NLRP2: variants seen among roughly 807,000 people sequenced by gnomAD.
NLRP2 encodes the protein NACHT, LRR and PYD domains-containing protein 2.
A neutral mutation model predicts 97.2 loss-of-function variants in NLRP2; 107 were observed. The ratio of observed to expected loss-of-function variants is 1.10; its 90% CI spans 0.94 to 1.29. NLRP2 has a LOEUF of 1.29. Ranked by LOEUF, NLRP2 falls within the 50% of genes most tolerant of loss-of-function variation. NLRP2 has a pLI of 0.00. For missense variants in NLRP2, 1,495 were observed against 1,330.3 expected (o/e 1.12, Z -1.93); for synonymous variants, 663 against 551.5 (o/e 1.20, Z -2.83).
In NLRP2 at chr19:54,983,699, T is replaced by G. The variant is rs1484391563; in HGVS notation, c.2001T>G (p.Thr667=). 6.2e-7 allele frequency: 1 copy of G among 1,612,942 alleles called. No homozygotes were observed. The highest frequency in any genetic ancestry group is 1.1e-5 in the South Asian group (1 of 91,036). Reference sequence around the variant, plus strand: ...AGGAGAATCTCCCGGAGAATGTCACTGCGTCTGAATCAGACGCCGAGGTTG... The same window carrying G: ...AGGAGAATCTCCCGGAGAATGTCACGGCGTCTGAATCAGACGCCGAGGTTG... ...VIKENLPENV[T]ASESDAEVER... is the part of the protein sequence containing the mutation. Residue 667 remains threonine (T), a synonymous_variant, in exon 6 of 13, where the codon ACT becomes ACG. Transcript: ENST00000448584.
At chr19:54,989,723 C>T in intron 8 of NLRP2, 2 of 512,398 alleles carry the variant, frequency 3.9e-6, no homozygotes, top group Non-Finnish European at 7.1e-6. Context: ...GTGGCTCACG[C>T]CTGTCATCCC....
chr19:54,994,508 T>C, intron 11 of NLRP2, 69 bp downstream of exon 11: 1 of 1,543,686 alleles, frequency 6.5e-7, no homozygotes, highest in Non-Finnish European at 8.9e-7. Context: ...TGTAAAATAA[T>C]CAGTGAAGCC....
chr19:54,972,531 A>G (rs2070931007), intron 2 of NLRP2, among the ~76,000 whole-genome samples: 1 of 151,944 alleles, frequency 6.6e-6, no homozygotes, highest in South Asian at 2.1e-4. Context: ...CTGGAGTACA[A>G]TGGGGCAATC....
chr19:54,994,175 G>A lies in NLRP2; in HGVS notation c.2709-94G>A. The A allele has an allele frequency of 1.0e-5, 13 of 1,291,494 alleles. No homozygotes were observed. In the South Asian group the frequency reaches 1.3e-4, roughly 13 times the overall value. The allele number at this position is 1,291,494 out of a possible 1,614,324, so 80.0% of individuals were successfully genotyped here. A position where few individuals can be genotyped will look rare whatever the true frequency, so the allele number is the denominator to read the frequency against. ...ATTTCCATGTCACCACTGTCTCTAA[G>A]TGTGTCTAACCCACGGCTCAAGAGT... is the stretch of plus-strand genomic sequence containing the variant. On this transcript the variant is annotated intron_variant, in intron 10 of 12. Coordinates refer to ENST00000448584, the MANE Select transcript of NLRP2 (RefSeq NM_017852.5).
At chr19:54,986,106 C>G (rs1368053476) in intron 7 of NLRP2, 45 bp from the exon 8 acceptor site, 2 of 1,284,066 alleles carry the variant, frequency 1.6e-6, no homozygotes, top group Non-Finnish European at 2.3e-6. Flanking sequence ...AAGTACGATA[C>G]AGGTGTACAC....
At chr19:54,966,641 G>C (rs529388695) in intron 1 of NLRP2, among the ~76,000 whole-genome samples, 174 bp downstream of exon 1, 1 of 152,072 alleles carries the variant, frequency 6.6e-6, no homozygotes, top group South Asian at 2.1e-4. Flanking sequence ...CGCCTCCCGG[G>C]TTCAGGCCAT....
At chr19:54,990,306 C>G in intron 9 of NLRP2, 114 bp downstream of exon 9, 1 of 1,225,560 alleles carries the variant, frequency 8.2e-7, no homozygotes, top group Non-Finnish European at 1.2e-6. Flanking sequence ...AACACCTGTT[C>G]CCATGTTTAG....
At chr19:54,997,729 A>G (rs780645310) in intron 12 of NLRP2, among the ~76,000 whole-genome samples, 7 of 151,066 alleles carry the variant, frequency 4.6e-5, no homozygotes, top group Non-Finnish European at 1.0e-4. Flanking sequence ...TGCTGGGATT[A>G]CAGGCGTGAG....
Position 54,983,351 on chromosome 19 carries a change from C to A in NLRP2, c.1653C>A (p.Ile551=), listed in dbSNP as rs182010297. Residue 551 remains isoleucine (I), a synonymous_variant, in exon 6 of 13, where the codon ATC becomes ATA. Coordinates refer to ENST00000448584, the MANE Select transcript of NLRP2 (RefSeq NM_017852.5). ...AAAGACTCAGGAACCCCGACCTGAT[C>A]CAAGCAGGCTACTACTCCTTTGGCC... ...GVERLRNPDL[I]QAGYYSFGLA... 7 of 1,614,086 alleles carry A rather than the reference C, an allele frequency of 4.3e-6. No homozygotes were observed. The highest frequency in any genetic ancestry group is 5.9e-6 in the Non-Finnish European group (7 of 1,180,044).
At chr19:54,972,799 C>G (rs1426652150) in intron 2 of NLRP2, among the ~76,000 whole-genome samples, 1 of 152,106 alleles carries the variant, frequency 6.6e-6, no homozygotes, top group African/African-American at 2.4e-5. Context: ...TAGAGTCAGT[C>G]TAAGTGACCA....
intron 7 of NLRP2, among the ~76,000 whole-genome samples, chr19:54,985,922 G>A (rs76855471): frequency 0.079 from 12,018 of 151,870 alleles, 663 homozygotes; most frequent in Non-Finnish European, 0.11. Context: ...GCTTGAATCC[G>A]GGAGGCAGAG....
Position 54,974,489 on chromosome 19 carries a change from T to C in NLRP2, c.281-11T>C. 2 of 1,610,238 alleles carry C rather than the reference T, an allele frequency of 1.2e-6. No individual in the cohort carries two copies. Among genetic ancestry groups the C allele is most frequent in the Non-Finnish European group, 1.7e-6 (2 of 1,176,502 alleles). On this transcript the variant is annotated splice_polypyrimidine_tract_variant and intron_variant, in intron 2 of 12. Coordinates refer to ENST00000448584, the MANE Select transcript of NLRP2 (RefSeq NM_017852.5). Reference sequence around the variant, plus strand: ...TAAAATGCAAAATTTTCCCCCCTTCTCCTTTTTCAGAAGCAGCTTTGAAAT... The same window carrying C: ...TAAAATGCAAAATTTTCCCCCCTTCCCCTTTTTCAGAAGCAGCTTTGAAAT...
intron 2 of NLRP2, among the ~76,000 whole-genome samples, chr19:54,972,624 A>G (rs1210406718): frequency 6.6e-6 from 1 of 151,450 alleles, no homozygotes; most frequent in Non-Finnish European, 1.5e-5. Context: ...ATTCTTGTAT[A>G]TATATATATT....
At chr19:54,990,255 G>A in intron 9 of NLRP2, 63 bp downstream of exon 9, 2 of 1,544,902 alleles carry the variant, frequency 1.3e-6, no homozygotes, top group South Asian at 2.2e-5. Flanking sequence ...ACGAGCAATG[G>A]TCATGCCTGA....
intron 4 of NLRP2, among the ~76,000 whole-genome samples, chr19:54,979,385 C>T (rs1046246873): frequency 3.9e-5 from 6 of 152,092 alleles, no homozygotes; most frequent in Non-Finnish European, 5.9e-5. Flanking sequence ...CCTTGTCGCC[C>T]AGGCTAGAGT....
At chr19:54,970,843 TAA>T (rs2070806223) in intron 2 of NLRP2, among the ~76,000 whole-genome samples, 4 of 148,178 alleles carry the variant, frequency 2.7e-5, no homozygotes, top group South Asian at 2.1e-4. Context: ...TATTATACTT[TAA>T]GTTTTAGGGT....
Position 54,974,482 on chromosome 19 carries a change from C to A in NLRP2, c.281-18C>A. The stretch of plus-strand genomic sequence containing the variant: ...CTTATGGTAAAATGCAAAATTTTCC[C>A]CCCTTCTCCTTTTTCAGAAGCAGCT... On this transcript the variant is annotated intron_variant, in intron 2 of 12. Coordinates refer to ENST00000448584, the MANE Select transcript of NLRP2 (RefSeq NM_017852.5). The A allele has an allele frequency of 6.2e-7, 1 of 1,608,566 alleles. No homozygotes were observed. The highest frequency in any genetic ancestry group is 8.5e-7 in the Non-Finnish European group (1 of 1,175,138).
rs1299816566 is a variant in NLRP2, at chr19:54,970,088, A to C, written c.73A>C (p.Lys25Gln). The C allele has an allele frequency of 6.2e-7, 1 of 1,614,096 alleles. No homozygotes were observed. Among genetic ancestry groups the C allele is most frequent in the South Asian group, 1.1e-5 (1 of 91,080 alleles). The change falls in exon 2 of 13, where the codon AAG becomes CAG. Residue 25 changes from lysine (K) to glutamine (Q), a missense_variant. Coordinates refer to ENST00000448584, the MANE Select transcript of NLRP2 (RefSeq NM_017852.5). ...LEQLSQDELS[K>Q]FKYLITTFSL... The stretch of plus-strand genomic sequence containing the variant: ...GCAGCTCAGCCAGGATGAGTTGAGC[A>C]AGTTCAAGTATCTGATCACGACCTT...
intron 6 of NLRP2, among the ~76,000 whole-genome samples, chr19:54,984,329 G>GTGTGTTTTTTTTT: frequency 2.5e-5 from 2 of 79,668 alleles, no homozygotes; most frequent in Non-Finnish European, 5.0e-5. Context: ...TTTTTTTTGT[G>GTGTGTTTTTTTTT]TTTTTTTTTT....
Sources: gnomAD v4.1 joint callset for allele counts (sites outside exome capture counted in the v4.1 genomes callset) on GRCh38, gnomAD v4.1.1 for gene constraint, MANE v1.5 for transcripts, NCBI Gene and HGNC (gene_info 2026-07-23, HGNC 2026-07-21) for gene names.